GRID2: variants seen among roughly 807,000 people sequenced by gnomAD.
GRID2 encodes glutamate receptor ionotropic, delta-2.
A neutral mutation model predicts 114.8 loss-of-function variants in GRID2; 33 were observed. The ratio of observed to expected loss-of-function variants is 0.29; its 90% CI spans 0.22 to 0.38. The LOEUF (loss-of-function observed/expected upper bound fraction) is 0.38. Among genes scored for constraint, GRID2 ranks in the 10% least tolerant of loss-of-function variants. The pLI is 1.00. For synonymous variants in GRID2, 505 were observed against 449.9 expected (o/e 1.12, Z -1.55); for missense variants, 1,184 against 1,257.7 (o/e 0.94, Z 0.89).
intron 1 of GRID2, among the ~76,000 whole-genome samples, chr4:92,411,056 T>C (rs1731277170): frequency 6.6e-6 from 1 of 152,158 alleles, no homozygotes; most frequent in African/African-American, 2.4e-5. Flanking sequence ...TGTTTATGGA[T>C]ATGTAGCACT....
intron 8 of GRID2, among the ~76,000 whole-genome samples, chr4:93,323,055 A>T (rs969676682): frequency 6.6e-6 from 1 of 152,028 alleles, no homozygotes; most frequent in Non-Finnish European, 1.5e-5. Context: ...GTTTAATTAG[A>T]TCACTTTTGT....
intron 4 of GRID2, among the ~76,000 whole-genome samples, chr4:93,143,115 T>G (rs184296862): frequency 6.6e-6 from 1 of 152,356 alleles, no homozygotes; most frequent in Non-Finnish European, 1.5e-5. Context: ...ATCTGCCTTT[T>G]GCTGTAGAAG....
At chr4:92,601,342 A>G (rs566883960) in intron 2 of GRID2, among the ~76,000 whole-genome samples, 1 of 152,360 alleles carries the variant, frequency 6.6e-6, no homozygotes, top group East Asian at 1.9e-4. Context: ...ATCTCATACA[A>G]CAGTGAACTC....
intron 2 of GRID2, among the ~76,000 whole-genome samples, chr4:92,695,152 G>A (rs1734364766): frequency 6.6e-6 from 1 of 151,956 alleles, no homozygotes; most frequent in African/African-American, 2.4e-5. Flanking sequence ...TTTTTGTAGA[G>A]ACAGGGTTTC....
At chr4:92,590,415 G>T in intron 2 of GRID2, 129 bp downstream of exon 2, 1 of 627,248 alleles carries the variant, frequency 1.6e-6, no homozygotes, top group South Asian at 2.5e-5. Context: ...TATTTTCCTT[G>T]GAGATCACTG....
At chr4:92,809,666 A>G (rs1177422428) in intron 2 of GRID2, among the ~76,000 whole-genome samples, 1 of 152,002 alleles carries the variant, frequency 6.6e-6, no homozygotes, top group African/African-American at 2.4e-5. Context: ...TTGATCTGAC[A>G]TTGGCAAACC....
intron 2 of GRID2, among the ~76,000 whole-genome samples, chr4:93,027,022 G>C (rs1256055184): frequency 6.6e-6 from 1 of 152,028 alleles, no homozygotes; most frequent in Non-Finnish European, 1.5e-5. Flanking sequence ...GGAAGAGTTA[G>C]AAAATTGCTT....
intron 2 of GRID2, among the ~76,000 whole-genome samples, chr4:92,592,320 T>C (rs894943665): frequency 3.3e-5 from 5 of 152,058 alleles, no homozygotes; most frequent in Middle Eastern, 3.4e-3. Flanking sequence ...TTTTTAAAAA[T>C]TAACCTTGAG....
chr4:92,431,167 A>C (rs1732420302), intron 1 of GRID2, among the ~76,000 whole-genome samples: 1 of 152,194 alleles, frequency 6.6e-6, no homozygotes, highest in Non-Finnish European at 1.5e-5. Flanking sequence ...GAAAGTGGGC[A>C]TCCTTGTCAT....
intron 14 of GRID2, among the ~76,000 whole-genome samples, chr4:93,633,061 C>A (rs569815184): frequency 2.0e-5 from 3 of 151,948 alleles, no homozygotes. Flanking sequence ...CTCTCTCTCT[C>A]TACACATGCA....
At chr4:93,750,609 A>G (rs1217742413) in intron 14 of GRID2, among the ~76,000 whole-genome samples, 7 of 152,144 alleles carry the variant, frequency 4.6e-5, no homozygotes, top group Non-Finnish European at 8.8e-5. Context: ...ACAAAAAATT[A>G]GCAGGGCATG....
At chr4:93,199,889 A>G (rs1714490256) in intron 4 of GRID2, among the ~76,000 whole-genome samples, 1 of 152,220 alleles carries the variant, frequency 6.6e-6, no homozygotes, top group African/African-American at 2.4e-5. Context: ...ATAACCAGCT[A>G]AAGAAAACAA....
intron 2 of GRID2, among the ~76,000 whole-genome samples, chr4:92,879,645 CAA>C (rs1220348844): frequency 6.6e-6 from 1 of 152,204 alleles, no homozygotes; most frequent in African/African-American, 2.4e-5. Flanking sequence ...CTATTTAAAA[CAA>C]AGAGACTTTC....
chr4:92,963,195 TG>T (rs1315516085), intron 2 of GRID2, among the ~76,000 whole-genome samples: 1 of 152,044 alleles, frequency 6.6e-6, no homozygotes, highest in Non-Finnish European at 1.5e-5. Context: ...ATTAGGGTGG[TG>T]GTTGCTAACT....
intron 4 of GRID2, chr4:93,112,054 T>G (rs568417498): frequency 2.6e-5 from 4 of 152,150 alleles, no homozygotes; most frequent in Non-Finnish European, 5.9e-5. Context: ...TACTACATTT[T>G]TTCATAATAT....
intron 1 of GRID2, among the ~76,000 whole-genome samples, chr4:92,585,212 G>T (rs908466477): frequency 4.6e-5 from 7 of 151,770 alleles, no homozygotes; most frequent in African/African-American, 1.7e-4. Flanking sequence ...GGAAAAATTT[G>T]GGGGGTAGAG....
chr4:93,802,357 T>G (rs1263445504), intron 1 of GRID2, among the ~76,000 whole-genome samples: 1 of 152,024 alleles, frequency 6.6e-6, no homozygotes, highest in Non-Finnish European at 1.5e-5. Flanking sequence ...TGCCATTGAC[T>G]TTGACTCTAT....
At chr4:93,309,969 G>A (rs1308655070) in intron 8 of GRID2, among the ~76,000 whole-genome samples, 2 of 152,072 alleles carry the variant, frequency 1.3e-5, no homozygotes, top group Non-Finnish European at 2.9e-5. Context: ...GTGTATATAT[G>A]CTTACTGCCT....
At chr4:92,568,492 T>C (rs1268797141) in intron 1 of GRID2, among the ~76,000 whole-genome samples, 1 of 152,034 alleles carries the variant, frequency 6.6e-6, no homozygotes. Context: ...TATTTGATTT[T>C]GGTGGCGGGA....
Sources: allele counts gnomAD v4.1 joint callset (sites outside exome capture counted in the v4.1 genomes callset), GRCh38; gene constraint gnomAD v4.1.1; transcripts MANE v1.5; gene names NCBI Gene and HGNC (gene_info 2026-07-23, HGNC 2026-07-21).